Variants in DCC observed in about 807,000 individuals in gnomAD.
DCC encodes the protein DCC netrin 1 receptor.
A neutral mutation model predicts 172.5 loss-of-function variants in DCC; 58 were observed. That is an observed-to-expected ratio of 0.34 (90% CI 0.27 to 0.42). The LOEUF is 0.42. DCC is among the 10% of genes least tolerant of loss of function. DCC has a pLI of 1.00. For missense variants in DCC, 1,740 were observed against 1,791.0 expected (o/e 0.97, Z 0.51); for synonymous variants, 709 against 644.5 (o/e 1.10, Z -1.52).
At chr18:52,837,619 C>T (rs1343239311) in intron 2 of DCC, among the ~76,000 whole-genome samples, 3 of 152,156 alleles carry the variant, frequency 2.0e-5, no homozygotes, top group Non-Finnish European at 4.4e-5. Context: ...TGGTCAAAGC[C>T]ATTCAACAAG....
At chr18:53,033,616 T>A (rs11663694) in intron 5 of DCC, among the ~76,000 whole-genome samples, 1 of 151,930 alleles carries the variant, frequency 6.6e-6, no homozygotes, top group Admixed American at 6.6e-5. Flanking sequence ...AACAGCATTG[T>A]TGCAGCATCT....
intron 5 of DCC, among the ~76,000 whole-genome samples, chr18:52,989,932 G>A (rs1296779107): frequency 1.3e-5 from 2 of 152,242 alleles, no homozygotes; most frequent in Non-Finnish European, 2.9e-5. Context: ...GAGGTCTGCA[G>A]CCACTTGTCT....
chr18:52,875,214 C>T (rs1366779319), intron 2 of DCC, among the ~76,000 whole-genome samples: 2 of 142,380 alleles, frequency 1.4e-5, no homozygotes, highest in African/African-American at 2.6e-5. Flanking sequence ...AAAGTTAAAA[C>T]ACACAACAGC....
At chr18:52,791,259 G>T (rs75541153) in intron 2 of DCC, among the ~76,000 whole-genome samples, 6,557 of 152,240 alleles carry the variant, frequency 0.043, 220 homozygotes, top group South Asian at 0.16. Flanking sequence ...ATGCCCTTAT[G>T]TAGAAGAAAA....
chr18:53,185,044 A>G (rs10502962), intron 9 of DCC, among the ~76,000 whole-genome samples: 14,071 of 152,196 alleles, frequency 0.092, 845 homozygotes, highest in African/African-American at 0.16. Context: ...GACATAAATA[A>G]TGGAAAGAAG....
chr18:53,247,272 T>G (rs1029257617), intron 12 of DCC, among the ~76,000 whole-genome samples: 6 of 152,026 alleles, frequency 3.9e-5, no homozygotes, highest in Non-Finnish European at 7.4e-5. Flanking sequence ...TTCTTGATCC[T>G]AAGTCTAAGG....
At chr18:53,255,526 C>G (rs1229168239) in intron 12 of DCC, among the ~76,000 whole-genome samples, 2 of 151,824 alleles carry the variant, frequency 1.3e-5, no homozygotes, top group Admixed American at 1.3e-4. Flanking sequence ...CATCCATGTC[C>G]CTACAAAGGA....
intron 12 of DCC, among the ~76,000 whole-genome samples, chr18:53,301,810 C>T (rs1292135856): frequency 6.6e-6 from 1 of 152,244 alleles, no homozygotes; most frequent in Non-Finnish European, 1.5e-5. Flanking sequence ...GCTTCTCCTC[C>T]TCTTCCTTAT....
chr18:52,989,180 C>A (rs1164445263), intron 5 of DCC, among the ~76,000 whole-genome samples: 4 of 151,926 alleles, frequency 2.6e-5, no homozygotes, highest in African/African-American at 4.8e-5. Context: ...GTTTTTTAAT[C>A]TTCAGAATTT....
At chr18:53,422,004 T>C (rs1419791383) in intron 21 of DCC, among the ~76,000 whole-genome samples, 1 of 152,150 alleles carries the variant, frequency 6.6e-6, no homozygotes, top group Non-Finnish European at 1.5e-5. Context: ...ATGTAAGTGG[T>C]GTGAAAGTTG....
chr18:52,689,170 C>T (rs2035889223), intron 1 of DCC, among the ~76,000 whole-genome samples: 1 of 152,010 alleles, frequency 6.6e-6, no homozygotes, highest in African/African-American at 2.4e-5. Flanking sequence ...GGAGCTTGGA[C>T]CTGAAAGAAA....
At chr18:52,994,261 T>C (rs1296507941) in intron 5 of DCC, among the ~76,000 whole-genome samples, 1 of 152,076 alleles carries the variant, frequency 6.6e-6, no homozygotes, top group Non-Finnish European at 1.5e-5. Context: ...TGAGAGTGAA[T>C]TAAGTAACAG....
chr18:53,486,762 G>A, intron 25 of DCC, 35 bp from the exon 26 acceptor site: 1 of 1,613,940 alleles, frequency 6.2e-7, no homozygotes, highest in Non-Finnish European at 8.5e-7. Flanking sequence ...GAATACATAA[G>A]GTTCAAAAAA....
chr18:52,957,537 C>A (rs940795046), intron 5 of DCC, among the ~76,000 whole-genome samples: 1 of 151,978 alleles, frequency 6.6e-6, no homozygotes, highest in Admixed American at 6.6e-5. Flanking sequence ...ATTAATAGGA[C>A]CATTATCTCC....
In DCC at chr18:52,621,900, T is replaced by C. The variant is rs138946839; in HGVS notation, c.92-130154T>C. On this transcript the variant is annotated intron_variant, in intron 1 of 28. Coordinates refer to ENST00000442544, the MANE Select transcript of DCC (RefSeq NM_005215.4). ...AAGGGGAAAAGCAGCTCATCCAGAA[T>C]AGTACACAACTCCAGACTTGCTAAT... Among the ~76,000 whole-genome samples the C allele has an allele frequency of 1.8e-3, 280 of 152,290 alleles. 1 individual carries two copies. Among genetic ancestry groups the C allele is most frequent in the African/African-American group, 6.5e-3 (272 of 41,560 alleles).
At chr18:52,866,125 C>T (rs971113029) in intron 2 of DCC, among the ~76,000 whole-genome samples, 1 of 152,136 alleles carries the variant, frequency 6.6e-6, no homozygotes, top group African/African-American at 2.4e-5. Flanking sequence ...AGCTGATTTT[C>T]CCAATGCTAT....
intron 1 of DCC, among the ~76,000 whole-genome samples, chr18:52,662,874 G>A (rs1040401405): frequency 1.3e-5 from 2 of 152,046 alleles, no homozygotes; most frequent in Non-Finnish European, 2.9e-5. Context: ...CTCATGTGGT[G>A]GAAGTGACAA....
Position 53,499,605 on chromosome 18 carries a change from T to C in DCC, c.4111+95T>C. 3.0e-6 allele frequency: 3 copies of C among 1,015,112 alleles called. No individual in the cohort carries two copies. The South Asian group carries it at 3.9e-5, about 13-fold the overall frequency. The allele number at this position is 1,015,112 out of a possible 1,614,324, so 62.9% of individuals were successfully genotyped here. On this transcript the variant is annotated intron_variant, in intron 27 of 28. Transcript: ENST00000442544. The stretch of plus-strand genomic sequence containing the variant: ...TGCTTGAGAAGGCCTAGATGTCATA[T>C]ATCTTTTCAATGCTGATTACATGCC...
intron 7 of DCC, among the ~76,000 whole-genome samples, chr18:53,115,063 T>C (rs921012500): frequency 1.3e-5 from 2 of 151,528 alleles, no homozygotes; most frequent in African/African-American, 4.8e-5. Context: ...TTCAGGTTTT[T>C]CTCCTTAAAA....
Sources: allele counts gnomAD v4.1 joint callset (sites outside exome capture counted in the v4.1 genomes callset), GRCh38; gene constraint gnomAD v4.1.1; transcripts MANE v1.5; gene names NCBI Gene and HGNC (gene_info 2026-07-23, HGNC 2026-07-21).